Variants in GRIK3 observed in about 807,000 individuals in gnomAD.
GRIK3 encodes glutamate ionotropic receptor kainate type subunit 3, also known as glutamate receptor ionotropic, kainate 3.
In GRIK3, 29 loss-of-function variants were observed where a neutral mutation model predicts 102.5. The ratio of observed to expected loss-of-function variants is 0.28; its 90% CI spans 0.21 to 0.39. GRIK3 has a LOEUF of 0.39. Ranked by LOEUF, GRIK3 falls within the 10% of genes least tolerant of loss-of-function variation. The pLI, the probability that GRIK3 is intolerant of heterozygous loss-of-function variation, is 1.00. For synonymous variants in GRIK3, 511 were observed against 504.9 expected (o/e 1.01, Z -0.16); for missense variants, 908 against 1,252.4 (o/e 0.73, Z 4.15).
At chr1:36,911,704 G>A (rs181985373) in intron 1 of GRIK3, among the ~76,000 whole-genome samples, 9 of 152,222 alleles carry the variant, frequency 5.9e-5, no homozygotes, top group Admixed American at 5.9e-4. Flanking sequence ...TGGGAGGATG[G>A]CTGGAGGCTC....
At chr1:36,967,315 T>C (rs1289267655) in intron 1 of GRIK3, among the ~76,000 whole-genome samples, 1 of 152,254 alleles carries the variant, frequency 6.6e-6, no homozygotes, top group East Asian at 1.9e-4. Context: ...CACAAATCTC[T>C]GAAGTGCTTC....
intron 1 of GRIK3, among the ~76,000 whole-genome samples, chr1:36,950,147 A>G (rs894118005): frequency 1.3e-5 from 2 of 152,224 alleles, no homozygotes; most frequent in African/African-American, 2.4e-5. Context: ...GAACAATGCT[A>G]TGAAAATGAC....
rs145281408 is a variant in GRIK3 at position 36,937,897 on chromosome 1, G to T, written c.116-46801C>A. On this transcript the variant is annotated intron_variant, in intron 1 of 15. Coordinates refer to ENST00000373091, the MANE Select transcript of GRIK3 (RefSeq NM_000831.4). ...ACTAATGGCCAAACTGCATGGAGTG[G>T]TCTCTGCTGGACAGCTCAGCCTTCT... 2.0e-3 allele frequency among the ~76,000 whole-genome samples: 299 copies of T among 152,322 alleles called. 2 individuals are homozygous for T. The highest frequency in any genetic ancestry group is 6.9e-3 in the African/African-American group (287 of 41,574).
At chr1:36,871,590 T>C (rs1016692369) in intron 4 of GRIK3, among the ~76,000 whole-genome samples, 2 of 152,256 alleles carry the variant, frequency 1.3e-5, no homozygotes, top group Admixed American at 6.5e-5. Context: ...TGGCGGAGCT[T>C]GGCTCTCGTC....
At chr1:37,030,548 TC>T (rs942714510) in intron 1 of GRIK3, among the ~76,000 whole-genome samples, 3,445 of 59,028 alleles carry the variant, frequency 0.058, 155 homozygotes, top group African/African-American at 0.16. Context: ...CCCCACCCCC[TC>T]CCCCCCCCCA....
At chr1:36,859,061 C>A in intron 7 of GRIK3, 47 bp downstream of exon 7, 1 of 1,510,892 alleles carries the variant, frequency 6.6e-7, no homozygotes, top group Non-Finnish European at 9.0e-7. Flanking sequence ...TCTACAGGGC[C>A]CACAGTCCCG....
At chr1:37,023,143 A>G (rs1246133162) in intron 1 of GRIK3, among the ~76,000 whole-genome samples, 1 of 152,146 alleles carries the variant, frequency 6.6e-6, no homozygotes, top group African/African-American at 2.4e-5. Flanking sequence ...CCTGGCCAAC[A>G]TGGTGAAACC....
intron 10 of GRIK3, among the ~76,000 whole-genome samples, chr1:36,830,118 G>C (rs1640238472): frequency 6.6e-6 from 1 of 152,214 alleles, no homozygotes; most frequent in Admixed American, 6.5e-5. Flanking sequence ...CATCAGACAA[G>C]CCAAGCATGA....
chr1:36,843,280 A>C (rs1387737409), intron 9 of GRIK3, among the ~76,000 whole-genome samples: 4 of 152,110 alleles, frequency 2.6e-5, no homozygotes, highest in Non-Finnish European at 5.9e-5. Context: ...GGCTTCACTC[A>C]CAAAGCCCCA....
chr1:36,917,918 C>T (rs183289046), intron 1 of GRIK3, among the ~76,000 whole-genome samples: 9 of 152,284 alleles, frequency 5.9e-5, no homozygotes, highest in African/African-American at 1.2e-4. Flanking sequence ...ACCCCCACCC[C>T]CAGTCACAGC....
intron 10 of GRIK3, among the ~76,000 whole-genome samples, chr1:36,833,975 C>T (rs1046682212): frequency 6.6e-6 from 1 of 152,226 alleles, no homozygotes; most frequent in Non-Finnish European, 1.5e-5. Context: ...GTCACAGTGA[C>T]TCCCCACTGC....
intron 1 of GRIK3, among the ~76,000 whole-genome samples, chr1:36,943,998 C>T (rs566849977): frequency 1.2e-4 from 18 of 152,322 alleles, no homozygotes; most frequent in African/African-American, 3.1e-4. Context: ...CAGAAAGATG[C>T]CCCTGGCCCT....
chr1:36,859,986 C>T lies in GRIK3; in HGVS notation c.818G>A (p.Arg273His), dbSNP rs114188187. The T allele has an allele frequency of 3.2e-5, 51 of 1,608,686 alleles. No homozygotes were observed. The highest frequency in any genetic ancestry group is 1.3e-4 in the East Asian group (6 of 44,862). The change falls in exon 6 of 16, where the codon CGC becomes CAC. Residue 273 changes from arginine to histidine, a missense_variant. Transcript: ENST00000373091. ...DLYALDLEPY[R>H]YSGVNLTGFR... ...TCCTGTCAGGTTCACGCCTGAGTAG[C>T]GGTAGGGCTCCAGGTCTAAAGCGTA...
intron 4 of GRIK3, among the ~76,000 whole-genome samples, chr1:36,870,716 T>C (rs1348762549): frequency 6.6e-6 from 1 of 152,216 alleles, no homozygotes; most frequent in Non-Finnish European, 1.5e-5. Flanking sequence ...GGGAGTCCAT[T>C]CTGGCTTCCT....
At chr1:36,956,681 G>A (rs1230152823) in intron 1 of GRIK3, among the ~76,000 whole-genome samples, 2 of 152,198 alleles carry the variant, frequency 1.3e-5, no homozygotes, top group East Asian at 1.9e-4. Context: ...AAAAGCCCCC[G>A]AGGTGCACAG....
Position 36,978,070 on chromosome 1 carries a change from G to A in GRIK3, c.115+55924C>T, listed in dbSNP as rs143659123. ...CTTTGTTATGCTAATGTCATAGCAC[G>A]ACGCAATTTAAATAGCACTTCCAGA... is the stretch of plus-strand genomic sequence containing the variant. On this transcript the variant is annotated intron_variant, in intron 1 of 15. Coordinates refer to ENST00000373091, the MANE Select transcript of GRIK3 (RefSeq NM_000831.4). Among the ~76,000 whole-genome samples the A allele has an allele frequency of 4.1e-4, 63 of 152,360 alleles. No homozygotes were observed. The East Asian group carries it at 0.01, about 25-fold the overall frequency.
At chr1:36,901,217 C>A (rs149486464) in intron 1 of GRIK3, among the ~76,000 whole-genome samples, 24 of 152,232 alleles carry the variant, frequency 1.6e-4, no homozygotes, top group African/African-American at 5.3e-4. Flanking sequence ...CAAAATCAGA[C>A]AAAGACATCA....
chr1:36,890,132 T>C (rs1195253704), intron 2 of GRIK3, among the ~76,000 whole-genome samples: 1 of 152,102 alleles, frequency 6.6e-6, no homozygotes, highest in East Asian at 1.9e-4. Flanking sequence ...GCACCTCTTG[T>C]CTGTCTGCAG....
rs145936970 is a variant in GRIK3, at chr1:36,855,315, G to A, written c.1105-1593C>T. 6.6e-5 allele frequency among the ~76,000 whole-genome samples: 10 copies of A among 152,278 alleles called. No individual in the cohort carries two copies. In the East Asian group the frequency reaches 1.7e-3, roughly 27 times the overall value. ...ATCGGGCTCCACAGCCTCTCCCTGC[G>A]GAATGCCCCCAGCACCCATGCATAC... On this transcript the variant is annotated intron_variant, in intron 7 of 15. Transcript: ENST00000373091.
Sources: allele counts gnomAD v4.1 joint callset (sites outside exome capture counted in the v4.1 genomes callset), GRCh38; gene constraint gnomAD v4.1.1; transcripts MANE v1.5; gene names NCBI Gene and HGNC (gene_info 2026-07-23, HGNC 2026-07-21).